Variants in TRIB2 observed in about 807,000 individuals in gnomAD.
The protein encoded by TRIB2 is tribbles homolog 2.
Under a neutral mutation model 26.8 loss-of-function variants are expected in TRIB2, and 2 were observed. That is an observed-to-expected ratio of 0.07 (90% CI 0.03 to 0.24). The LOEUF is 0.24. Ranked by LOEUF, TRIB2 falls within the 10% of genes least tolerant of loss-of-function variation. TRIB2 has a pLI of 1.00. For missense variants in TRIB2, 306 were observed against 449.0 expected (o/e 0.68, Z 2.88); for synonymous variants, 189 against 187.3 (o/e 1.01, Z -0.08).
chr2:12,736,303 A>G (rs1661565217), intron 2 of TRIB2, among the ~76,000 whole-genome samples: 1 of 152,118 alleles, frequency 6.6e-6, no homozygotes, highest in Non-Finnish European at 1.5e-5. Context: ...CATGTGAGGA[A>G]CAGCAAACAG....
chr2:12,735,067 C>T (rs1661539529), intron 2 of TRIB2, among the ~76,000 whole-genome samples: 1 of 152,186 alleles, frequency 6.6e-6, no homozygotes, highest in Admixed American at 6.5e-5. Context: ...GTGACCAGAG[C>T]TGACACTCAC....
chr2:12,717,645 G>A lies in TRIB2; in HGVS notation c.-663G>A, dbSNP rs1013373007. 1.0e-5 allele frequency: 4 copies of A among 394,748 alleles called. No individual in the cohort carries two copies. The Admixed American group carries it at 1.3e-4, about 13-fold the overall frequency. 24.5% of individuals were successfully genotyped at this position (394,748 alleles called of 1,614,324 possible). ...TGTTTGTTTAATTTTTGGAGAGCTC[G>A]CGATCTTGGAAAAGCCTCAGACGCC... is the stretch of plus-strand genomic sequence containing the variant. On this transcript the variant is annotated 5_prime_UTR_variant, in exon 1 of 3. Transcript: ENST00000155926. The surrounding 1 kb of genome is among the most constrained non-coding windows in gnomAD (Gnocchi z 4.8).
At chr2:12,737,876 T>A (rs1012149045) in intron 2 of TRIB2, among the ~76,000 whole-genome samples, 2 of 152,200 alleles carry the variant, frequency 1.3e-5, no homozygotes, top group East Asian at 3.9e-4. Flanking sequence ...AAGACTTCCT[T>A]GTCTAGTGCT....
rs763551688 is a variant in TRIB2 at position 12,740,569 on chromosome 2, C to T, written c.807C>T (p.Gly269=). 6.2e-7 allele frequency: 1 copy of T among 1,614,144 alleles called. No homozygotes were observed. The highest frequency in any genetic ancestry group is 8.5e-7 in the Non-Finnish European group (1 of 1,180,032). ...CCCTCTTCAGCAAGATCCGGCGTGGCCAGTTCAACATTCCAGAGACTCTGT... is the reference window on the plus strand; with the variant it reads ...CCCTCTTCAGCAAGATCCGGCGTGGTCAGTTCAACATTCCAGAGACTCTGT... ...PSSLFSKIRR[G]QFNIPETLSP... is the part of the protein sequence containing the mutation. Residue 269 remains glycine, a synonymous_variant, in exon 3 of 3, where the codon GGC becomes GGT. Coordinates refer to ENST00000155926, the MANE Select transcript of TRIB2 (RefSeq NM_021643.4). This position sits in a 1 kb window ranked among gnomAD's most constrained non-coding sequence, Gnocchi z 5.8.
rs770116295 is a variant in TRIB2, at chr2:12,718,455, G to A, written c.148G>A (p.Glu50Lys). 9 of 1,614,132 alleles carry A rather than the reference G, an allele frequency of 5.6e-6. No individual in the cohort carries two copies. Among genetic ancestry groups the A allele is most frequent in the South Asian group, 2.2e-5 (2 of 91,094 alleles). Reference protein sequence around the residue: ...SPNLGSPSPPETPNLSHCVSC... With the variant: ...SPNLGSPSPPKTPNLSHCVSC... ...GAACCTCGGCTCCCCGAGCCCGCCC[G>A]AGACTCCGAACTTGTCGCATTGCGT... The change falls in exon 1 of 3, where the codon GAG becomes AAG. Residue 50 changes from glutamate (E) to lysine (K), a missense_variant. Physicochemically the swap from Glu to Lys is moderately conservative, Grantham distance 56. Coordinates refer to ENST00000155926, the MANE Select transcript of TRIB2 (RefSeq NM_021643.4). This position sits in a 1 kb window ranked among gnomAD's most constrained non-coding sequence, Gnocchi z 4.0.
chr2:12,724,821 T>C (rs762977455), intron 2 of TRIB2: 3 of 1,611,616 alleles, frequency 1.9e-6, no homozygotes, highest in African/African-American at 2.7e-5. Flanking sequence ...ATGTGCTTCT[T>C]TGAATATTCT....
chr2:12,734,932 G>A (rs931265251), intron 2 of TRIB2, among the ~76,000 whole-genome samples: 1 of 152,178 alleles, frequency 6.6e-6, no homozygotes, highest in Non-Finnish European at 1.5e-5. Flanking sequence ...ACATGTGCTA[G>A]AGCCCCACCA....
intron 2 of TRIB2, among the ~76,000 whole-genome samples, chr2:12,733,613 A>G (rs116179055): frequency 6.6e-6 from 1 of 152,216 alleles, no homozygotes; most frequent in East Asian, 1.9e-4. Context: ...TAATCTCAGC[A>G]TCTTATAGAT....
chr2:12,718,120 G>A lies in TRIB2; in HGVS notation c.-188G>A. On this transcript the variant is annotated 5_prime_UTR_variant, in exon 1 of 3. Coordinates refer to ENST00000155926, the MANE Select transcript of TRIB2 (RefSeq NM_021643.4). This position sits in a 1 kb window ranked among gnomAD's most constrained non-coding sequence, Gnocchi z 4.0. ...AGGACCCCCGGGAGCCGGGCTCGGA[G>A]CAGACGAGGTATCCGGCGGCGCCCA... is the stretch of plus-strand genomic sequence containing the variant. 2.5e-6 allele frequency: 2 copies of A among 790,098 alleles called. No individual in the cohort carries two copies. The highest frequency in any genetic ancestry group is 3.9e-6 in the Non-Finnish European group (2 of 515,626). 48.9% of individuals were successfully genotyped at this position (790,098 alleles called of 1,614,324 possible).
Position 12,740,372 on chromosome 2 carries a change from G to A in TRIB2, c.610G>A (p.Gly204Arg), listed in dbSNP as rs1289748767. 3 of 1,614,154 alleles carry A rather than the reference G, an allele frequency of 1.9e-6. No homozygotes were observed. In the South Asian group the frequency reaches 3.3e-5, roughly 18 times the overall value. The stretch of plus-strand genomic sequence containing the variant: ...CCTGGAAGACGCCTACATTCTGCGG[G>A]GAGATGATGATTCCCTCTCCGACAA... ...ESLEDAYILR[G>R]DDDSLSDKHG... The change falls in exon 3 of 3, where the codon GGA becomes AGA. Residue 204 changes from glycine to arginine, a missense_variant. By Grantham distance (125) the Gly-to-Arg change is moderately radical (BLOSUM62 -2). This residue lies in a region of TRIB2 where 118 missense variants were observed against 188.8 expected (regional missense o/e 0.63). Transcript: ENST00000155926. This position sits in a 1 kb window ranked among gnomAD's most constrained non-coding sequence, Gnocchi z 5.8.
chr2:12,724,515 T>C (rs1467228618), intron 2 of TRIB2: 1 of 1,503,950 alleles, frequency 6.6e-7, no homozygotes, highest in African/African-American at 1.4e-5. Flanking sequence ...GGAGACCAGC[T>C]CATATCTTGA....
intron 1 of TRIB2, among the ~76,000 whole-genome samples, chr2:12,722,541 G>A (rs1284168817): frequency 1.3e-5 from 2 of 152,192 alleles, no homozygotes; most frequent in Non-Finnish European, 2.9e-5. Flanking sequence ...CAATGAGTTG[G>A]CATTTTGCAG....
chr2:12,741,249 G>C lies in TRIB2; in HGVS notation c.*455G>C, dbSNP rs1472831536. 6.3e-6 allele frequency: 1 copy of C among 157,516 alleles called. No individual in the cohort carries two copies. Among genetic ancestry groups the C allele is most frequent in the Non-Finnish European group, 1.4e-5 (1 of 71,088 alleles). The allele number at this position is 157,516 out of a possible 1,614,324, so 9.8% of individuals were successfully genotyped here. ...TTCTTTTAAACAAGCCAACCACCTA[G>C]CTGGTAATTAATGAGGTTCACTTAA... On this transcript the variant is annotated 3_prime_UTR_variant, in exon 3 of 3. Transcript: ENST00000155926.
Position 12,717,751 on chromosome 2 carries a change from G to A in TRIB2, c.-557G>A. ...CCCCACCCTTTCCACCAAAAAAAGG[G>A]GGTGCAGCGCGGATTCTGGCTGCCG... On this transcript the variant is annotated 5_prime_UTR_variant, in exon 1 of 3. Transcript: ENST00000155926. The surrounding 1 kb of genome is among the most constrained non-coding windows in gnomAD (Gnocchi z 4.8). 1 of 361,818 alleles carries A rather than the reference G, an allele frequency of 2.8e-6. No individual in the cohort carries two copies. The highest frequency in any genetic ancestry group is 4.6e-5 in the Admixed American group (1 of 21,548). 22.4% of individuals were successfully genotyped at this position (361,818 alleles called of 1,614,324 possible).
At chr2:12,736,273 A>G (rs1219423607) in intron 2 of TRIB2, among the ~76,000 whole-genome samples, 1 of 152,144 alleles carries the variant, frequency 6.6e-6, no homozygotes, top group Non-Finnish European at 1.5e-5. Context: ...AGGCCTCAGA[A>G]GGACTGGGGT....
Position 12,741,277 on chromosome 2 carries a change from A to G in TRIB2, c.*483A>G, listed in dbSNP as rs1343369911. 6.3e-6 allele frequency: 1 copy of G among 157,502 alleles called. No individual in the cohort carries two copies. Among genetic ancestry groups the G allele is most frequent in the South Asian group, 1.9e-4 (1 of 5,216 alleles). 9.8% of individuals were successfully genotyped at this position (157,502 alleles called of 1,614,324 possible). A position where few individuals can be genotyped will look rare whatever the true frequency, so the allele number is the denominator to read the frequency against. On this transcript the variant is annotated 3_prime_UTR_variant, in exon 3 of 3. Coordinates refer to ENST00000155926, the MANE Select transcript of TRIB2 (RefSeq NM_021643.4). Reference sequence around the variant, plus strand: ...GGTAATTAATGAGGTTCACTTAAAAAAAAAATTCGGTGCACACAGACTGAC... The same window carrying G: ...GGTAATTAATGAGGTTCACTTAAAAGAAAAATTCGGTGCACACAGACTGAC...
chr2:12,717,358 T>A lies in TRIB2; in HGVS notation c.-950T>A, dbSNP rs1053404470. 3.0e-5 allele frequency: 12 copies of A among 398,320 alleles called. No homozygotes were observed. The highest frequency in any genetic ancestry group is 2.3e-4 in the African/African-American group (11 of 48,620). The allele number at this position is 398,320 out of a possible 1,614,324, so 24.7% of individuals were successfully genotyped here. Reference sequence around the variant, plus strand: ...CGCCCGCAGGACCCCCGCAAGCTCGTGCCGGCGAAATCGGAGACCGCCGAT... The same window carrying A: ...CGCCCGCAGGACCCCCGCAAGCTCGAGCCGGCGAAATCGGAGACCGCCGAT... On this transcript the variant is annotated 5_prime_UTR_variant, in exon 1 of 3. Transcript: ENST00000155926. This position sits in a 1 kb window ranked among gnomAD's most constrained non-coding sequence, Gnocchi z 4.8.
chr2:12,720,097 G>A lies in TRIB2; in HGVS notation c.270+1520G>A, dbSNP rs1016584893. Reference sequence around the variant, plus strand: ...TACAGCATTTTAATATTTTTCAAAGGCTGGAGATGCTTTTAAGTATAGGGA... The same window carrying A: ...TACAGCATTTTAATATTTTTCAAAGACTGGAGATGCTTTTAAGTATAGGGA... On this transcript the variant is annotated intron_variant, in intron 1 of 2. Transcript: ENST00000155926. Among the ~76,000 whole-genome samples the A allele has an allele frequency of 9.2e-5, 14 of 152,302 alleles. No homozygotes were observed. In the East Asian group the frequency reaches 2.5e-3, roughly 27 times the overall value.
At position 12,718,176 on chromosome 2, in the gene TRIB2, G is replaced by A; in HGVS notation, c.-132G>A. On this transcript the variant is annotated 5_prime_UTR_variant, in exon 1 of 3. Coordinates refer to ENST00000155926, the MANE Select transcript of TRIB2 (RefSeq NM_021643.4). The surrounding 1 kb of genome is among the most constrained non-coding windows in gnomAD (Gnocchi z 4.0). Reference sequence around the variant, plus strand: ...GGGCTTCTAACTCTTTCTCCACGCAGCCCCTCTTCTGTCCCCTCCCCTCTC... The same window carrying A: ...GGGCTTCTAACTCTTTCTCCACGCAACCCCTCTTCTGTCCCCTCCCCTCTC... The A allele has an allele frequency of 8.1e-7, 1 of 1,230,278 alleles. No homozygotes were observed. Among genetic ancestry groups the A allele is most frequent in the Non-Finnish European group, 1.1e-6 (1 of 908,144 alleles). The allele number at this position is 1,230,278 out of a possible 1,614,324, so 76.2% of individuals were successfully genotyped here.
Sources: gnomAD v4.1 joint callset for allele counts (sites outside exome capture counted in the v4.1 genomes callset) on GRCh38, gnomAD v4.1.1 for gene constraint, gnomAD v4.1.1 regional missense constraint, Gnocchi (gnomAD v3.1) non-coding constraint, MANE v1.5 for transcripts, NCBI Gene and HGNC (gene_info 2026-07-23, HGNC 2026-07-21) for gene names.